TM9SF3: variants seen among roughly 807,000 people sequenced by gnomAD.
The protein encoded by TM9SF3 is transmembrane 9 superfamily member 3.
Under a neutral mutation model 78.6 loss-of-function variants are expected in TM9SF3, and 14 were observed. The observed-to-expected ratio is 0.18, with a 90% CI of 0.12 to 0.28. The LOEUF (loss-of-function observed/expected upper bound fraction) is 0.28. Ranked by LOEUF, TM9SF3 falls within the 10% of genes least tolerant of loss-of-function variation. The pLI is 1.00. For missense variants in TM9SF3, 496 were observed against 721.9 expected (o/e 0.69, Z 3.59); for synonymous variants, 231 against 241.7 (o/e 0.96, Z 0.41).
At chr10:96,553,884 C>A (rs1174791944) in intron 5 of TM9SF3, among the ~76,000 whole-genome samples, 1 of 152,148 alleles carries the variant, frequency 6.6e-6, no homozygotes, top group Non-Finnish European at 1.5e-5. Context: ...CCAGTTATTT[C>A]TTTATTTACA....
intron 5 of TM9SF3, among the ~76,000 whole-genome samples, chr10:96,557,685 T>C (rs1383673112): frequency 3.3e-5 from 5 of 152,212 alleles, no homozygotes; most frequent in Admixed American, 2.6e-4. Flanking sequence ...CTCACTTTAA[T>C]AGGCTTTTCA....
Position 96,562,050 on chromosome 10 carries a change from A to C in TM9SF3, c.510T>G (p.Ile170Met), listed in dbSNP as rs150937413. 2 of 1,613,626 alleles carry C rather than the reference A, an allele frequency of 1.2e-6. No individual in the cohort carries two copies. The change falls in exon 4 of 15, where the codon ATT becomes ATG. Residue 170 changes from isoleucine to methionine, a missense_variant. This residue lies in a region of TM9SF3 where 155 missense variants were observed against 241.6 expected (regional missense o/e 0.64). Coordinates refer to ENST00000371142, the MANE Select transcript of TM9SF3 (RefSeq NM_020123.4). ...CTTCACTAGTTAGATTAACATCAAC[A>C]ATTCGATTTCCATTAAAACCTATTT... is the stretch of plus-strand genomic sequence containing the variant. ...KLEIGFNGNR[I>M]VDVNLTSEGK...
chr10:96,572,284 T>C (rs915546132), intron 2 of TM9SF3, among the ~76,000 whole-genome samples: 2 of 151,870 alleles, frequency 1.3e-5, no homozygotes, highest in Non-Finnish European at 2.9e-5. Flanking sequence ...AAATATTATT[T>C]CCCACACTTC....
intron 3 of TM9SF3, among the ~76,000 whole-genome samples, chr10:96,562,959 A>C (rs943126004): frequency 6.6e-6 from 1 of 152,218 alleles, no homozygotes; most frequent in African/African-American, 2.4e-5. Context: ...TTAGGGAAAA[A>C]TATAATCATA....
chr10:96,551,271 A>C lies in TM9SF3; in HGVS notation c.933T>G (p.Val311=). Residue 311 remains valine, a synonymous_variant, in exon 7 of 15, where the codon GTT becomes GTG. Coordinates refer to ENST00000371142, the MANE Select transcript of TM9SF3 (RefSeq NM_020123.4). ...IFAVSLIVII[V]AMIEDLYTER... ...CAGTATATAAATCTTCTATCATTGC[A>C]ACAATAATAACGATGAGAGACACAG... The C allele has an allele frequency of 6.2e-7, 1 of 1,612,100 alleles. No individual in the cohort carries two copies. The highest frequency in any genetic ancestry group is 8.5e-7 in the Non-Finnish European group (1 of 1,179,420).
At chr10:96,549,598 A>C (rs984391602) in intron 7 of TM9SF3, among the ~76,000 whole-genome samples, 11 of 152,136 alleles carry the variant, frequency 7.2e-5, no homozygotes, top group African/African-American at 2.7e-4. Flanking sequence ...AAATCTCAAT[A>C]AGTTGGCCAC....
At chr10:96,524,103 C>G (rs1483883510) in intron 14 of TM9SF3, among the ~76,000 whole-genome samples, 1 of 151,692 alleles carries the variant, frequency 6.6e-6, no homozygotes, top group Non-Finnish European at 1.5e-5. Context: ...ATTACTGACA[C>G]TGGGTGTTAG....
chr10:96,580,363 T>A (rs1201601154), intron 1 of TM9SF3, among the ~76,000 whole-genome samples: 1 of 152,134 alleles, frequency 6.6e-6, no homozygotes, highest in Non-Finnish European at 1.5e-5. Context: ...CCTCCCAGGT[T>A]CACGCCATTC....
intron 7 of TM9SF3, among the ~76,000 whole-genome samples, chr10:96,548,228 T>C (rs758370977): frequency 2.3e-4 from 35 of 152,212 alleles, no homozygotes; most frequent in Non-Finnish European, 4.7e-4. Flanking sequence ...TTAAATGTTA[T>C]GATATATTCT....
intron 2 of TM9SF3, among the ~76,000 whole-genome samples, chr10:96,572,806 G>A (rs769374440): frequency 3.3e-5 from 5 of 151,974 alleles, no homozygotes; most frequent in Admixed American, 2.0e-4. Context: ...GTGAGCCACC[G>A]CGCCTGGCCC....
intron 10 of TM9SF3, among the ~76,000 whole-genome samples, chr10:96,532,794 C>T (rs1847913286): frequency 6.6e-6 from 1 of 152,158 alleles, no homozygotes; most frequent in Non-Finnish European, 1.5e-5. Context: ...CTTTAGTTCA[C>T]ACCCACTTCT....
intron 5 of TM9SF3, among the ~76,000 whole-genome samples, chr10:96,554,980 T>C (rs1361204505): frequency 1.3e-5 from 2 of 152,022 alleles, no homozygotes; most frequent in Admixed American, 6.6e-5. Flanking sequence ...TTCATTCCCA[T>C]GCCATCACCT....
At chr10:96,574,041 A>G (rs1848469509) in intron 2 of TM9SF3, among the ~76,000 whole-genome samples, 1 of 152,246 alleles carries the variant, frequency 6.6e-6, no homozygotes, top group Non-Finnish European at 1.5e-5. Context: ...AAACACCAAA[A>G]GCAATGGCAA....
intron 9 of TM9SF3, among the ~76,000 whole-genome samples, chr10:96,536,282 T>C (rs192582710): frequency 6.6e-6 from 1 of 152,244 alleles, no homozygotes; most frequent in Non-Finnish European, 1.5e-5. Context: ...GACACTTCTA[T>C]TCAACATTAT....
chr10:96,561,743 C>T (rs1392710199), intron 4 of TM9SF3, among the ~76,000 whole-genome samples: 2 of 152,182 alleles, frequency 1.3e-5, no homozygotes, highest in Admixed American at 6.5e-5. Context: ...CTTGGCTGTA[C>T]CAAATGGTTT....
chr10:96,556,746 C>A (rs1342059732), intron 5 of TM9SF3, among the ~76,000 whole-genome samples: 2 of 152,122 alleles, frequency 1.3e-5, no homozygotes, highest in Non-Finnish European at 2.9e-5. Context: ...AAGCTCCTCA[C>A]AAGTCCATAA....
chr10:96,582,644 T>C (rs1226779642), intron 1 of TM9SF3, among the ~76,000 whole-genome samples: 1 of 152,236 alleles, frequency 6.6e-6, no homozygotes, highest in Non-Finnish European at 1.5e-5. Flanking sequence ...GTAATGCATA[T>C]GATTCAACTT....
intron 9 of TM9SF3, among the ~76,000 whole-genome samples, chr10:96,536,671 CCT>C (rs765732787): frequency 6.6e-6 from 1 of 152,084 alleles, no homozygotes. Context: ...AGACAGCATC[CCT>C]GAGACACCCC....
chr10:96,523,946 T>G (rs1847810169), intron 14 of TM9SF3, among the ~76,000 whole-genome samples: 1 of 151,844 alleles, frequency 6.6e-6, no homozygotes, highest in Admixed American at 6.6e-5. Context: ...TTCCATCATA[T>G]TAAGAAATTA....
Sources: gnomAD v4.1 joint callset for allele counts (sites outside exome capture counted in the v4.1 genomes callset) on GRCh38, gnomAD v4.1.1 for gene constraint, gnomAD v4.1.1 regional missense constraint, MANE v1.5 for transcripts, NCBI Gene and HGNC (gene_info 2026-07-23, HGNC 2026-07-21) for gene names.